Variants in CLIP1 observed in about 807,000 individuals in gnomAD.
The protein encoded by CLIP1 is CAP-Gly domain-containing linker protein 1.
In CLIP1, 66 loss-of-function variants were observed where a neutral mutation model predicts 161.6. The ratio of observed to expected loss-of-function variants is 0.41; its 90% CI spans 0.33 to 0.50. The LOEUF (loss-of-function observed/expected upper bound fraction) is 0.50, where lower values mean the gene tolerates loss of function less well. Among genes scored for constraint, CLIP1 ranks in the 20% least tolerant of loss-of-function variants. The pLI is 0.27. For missense variants in CLIP1, 1,376 were observed against 1,702.0 expected (o/e 0.81, Z 3.37); for synonymous variants, 598 against 626.2 (o/e 0.96, Z 0.67).
At chr12:122,410,336 C>A (rs1031407373) in intron 1 of CLIP1, among the ~76,000 whole-genome samples, 3 of 151,946 alleles carry the variant, frequency 2.0e-5, no homozygotes, top group East Asian at 1.9e-4. Context: ...TAAAGGCATT[C>A]TTTTGTATAC....
intron 1 of CLIP1, among the ~76,000 whole-genome samples, chr12:122,409,317 G>C (rs1406595189): frequency 2.0e-5 from 3 of 150,588 alleles, no homozygotes; most frequent in Non-Finnish European, 4.4e-5. Flanking sequence ...GTAGAGACAG[G>C]GTTTCACCAT....
rs754669548 is a variant in CLIP1 at position 122,316,836 on chromosome 12, TTTTC to T, written c.3382_3385del (p.Glu1128ThrfsTer3). ...CAGCTCTTCCACATTTTTCAAGTTG[TTTTC>T]TTTAAGTGTGTCCAACTTAAAGACC... On this transcript the variant is annotated frameshift_variant, in exon 19 of 26. Coordinates refer to ENST00000620786, the MANE Select transcript of CLIP1 (RefSeq NM_001247997.2). LOFTEE classifies it high-confidence loss of function. 6.3e-7 allele frequency: 1 copy of T among 1,585,652 alleles called. No homozygotes were observed. Among genetic ancestry groups the T allele is most frequent in the South Asian group, 1.2e-5 (1 of 83,282 alleles).
At chr12:122,396,791 G>C (rs1460146785) in intron 1 of CLIP1, 5 of 150,562 alleles carry the variant, frequency 3.3e-5, no homozygotes, top group Middle Eastern at 3.4e-3. Flanking sequence ...TTTTGAGGCA[G>C]AGTCTTGCCC....
chr12:122,343,795 G>A (rs1054094106), intron 10 of CLIP1: 1 of 152,196 alleles, frequency 6.6e-6, no homozygotes, highest in African/African-American at 2.4e-5. Context: ...TACCTGCTAT[G>A]CAGTCCATTT....
chr12:122,404,256 G>A (rs1956241039), intron 1 of CLIP1, among the ~76,000 whole-genome samples: 1 of 152,124 alleles, frequency 6.6e-6, no homozygotes, highest in South Asian at 2.1e-4. Flanking sequence ...ATAAAGCAGG[G>A]GCCTGGAGAC....
rs756011054 is a variant in CLIP1 at position 122,377,755 on chromosome 12, G to C, written c.291C>G (p.Gly97=). The change falls in exon 3 of 26, where the codon GGC becomes GGG. Residue 97 remains glycine, a synonymous_variant. Transcript: ENST00000620786. ...CTCCTGCCACCGAACCATCGTTCTTGCCTATGGGTTCATCTAAAACAATTC... is the reference window on the plus strand; with the variant it reads ...CTCCTGCCACCGAACCATCGTTCTTCCCTATGGGTTCATCTAAAACAATTC... ...WAGIVLDEPI[G]KNDGSVAGVR... 1.2e-6 allele frequency: 2 copies of C among 1,613,902 alleles called. No homozygotes were observed. The highest frequency in any genetic ancestry group is 1.1e-5 in the South Asian group (1 of 91,070).
At chr12:122,292,199 C>A (rs1950274896) in intron 20 of CLIP1, among the ~76,000 whole-genome samples, 1 of 150,456 alleles carries the variant, frequency 6.6e-6, no homozygotes, top group Non-Finnish European at 1.5e-5. Flanking sequence ...GATGGAGTTT[C>A]ACTATATTGG....
At chr12:122,383,177 G>C (rs1016149722) in intron 1 of CLIP1, among the ~76,000 whole-genome samples, 2 of 152,188 alleles carry the variant, frequency 1.3e-5, no homozygotes, top group African/African-American at 4.8e-5. Context: ...AGAGTGACAA[G>C]GGCCAGGTAG....
intron 17 of CLIP1, among the ~76,000 whole-genome samples, chr12:122,320,658 A>C (rs1367836794): frequency 6.6e-6 from 1 of 151,226 alleles, no homozygotes; most frequent in Admixed American, 6.6e-5. Flanking sequence ...CGGGAGGCAG[A>C]GGTTGCAGTG....
Position 122,272,395 on chromosome 12 carries a change from GAATAA to G in CLIP1, c.*475_*479del, listed in dbSNP as rs1190804679. 6.2e-6 allele frequency: 1 copy of G among 161,396 alleles called. No individual in the cohort carries two copies. The highest frequency in any genetic ancestry group is 2.4e-5 in the African/African-American group (1 of 41,504). 10.0% of individuals were successfully genotyped at this position (161,396 alleles called of 1,614,324 possible). A position where few individuals can be genotyped will look rare whatever the true frequency, so the allele number is the denominator to read the frequency against. On this transcript the variant is annotated 3_prime_UTR_variant, in exon 26 of 26. Transcript: ENST00000620786. ...AGAGCTCAGATATTTCTTTGAATAA[GAATAA>G]AATACTTTAAATGAGTAGATGAAAA...
intron 20 of CLIP1, 138 bp from the exon 21 acceptor site, chr12:122,288,679 T>G (rs1418775687): frequency 3.0e-6 from 2 of 664,898 alleles, no homozygotes; most frequent in African/African-American, 3.6e-5. Flanking sequence ...GAGGGACAAG[T>G]GGTCACTCTA....
chr12:122,361,223 C>A, intron 4 of CLIP1, 42 bp from the exon 5 acceptor site: 1 of 1,488,864 alleles, frequency 6.7e-7, no homozygotes, highest in South Asian at 1.2e-5. Context: ...ACAACTTAAT[C>A]ACAAGAAATA....
At chr12:122,360,410 CAAAAA>C (rs34294939) in intron 5 of CLIP1, among the ~76,000 whole-genome samples, 23 of 87,360 alleles carry the variant, frequency 2.6e-4, no homozygotes, top group Non-Finnish European at 4.8e-4. Context: ...CCTCTCTCTA[CAAAAA>C]AAAAAAAAAA....
intron 10 of CLIP1, chr12:122,343,109 A>C (rs1477253181): frequency 2.0e-5 from 3 of 150,310 alleles, no homozygotes; most frequent in Non-Finnish European, 4.4e-5. Context: ...GAAAGCCTCA[A>C]TTGAAGAATG....
chr12:122,380,333 T>C (rs757522133), intron 2 of CLIP1, 35 bp downstream of exon 2: 4 of 1,386,274 alleles, frequency 2.9e-6, no homozygotes, highest in South Asian at 2.5e-5. Context: ...GAAGTCTCCA[T>C]ATAGGATAAG....
At chr12:122,419,653 C>T (rs1271912252) in intron 1 of CLIP1, among the ~76,000 whole-genome samples, 1 of 151,756 alleles carries the variant, frequency 6.6e-6, no homozygotes, top group Non-Finnish European at 1.5e-5. Flanking sequence ...AAGCAAGAAT[C>T]GGCCGGGCAC....
intron 20 of CLIP1, among the ~76,000 whole-genome samples, chr12:122,288,973 G>A (rs1438479030): frequency 1.3e-5 from 2 of 151,036 alleles, no homozygotes; most frequent in Non-Finnish European, 3.0e-5. Context: ...CCGCCACAAC[G>A]CCCGGCTAAT....
At chr12:122,300,628 G>A (rs906924580) in intron 20 of CLIP1, among the ~76,000 whole-genome samples, 3 of 151,838 alleles carry the variant, frequency 2.0e-5, no homozygotes, top group Admixed American at 2.0e-4. Context: ...GCAGTGGCGC[G>A]ATCTCAGCTC....
chr12:122,371,325 C>G (rs79182877), intron 3 of CLIP1, among the ~76,000 whole-genome samples: 11,772 of 152,110 alleles, frequency 0.077, 1,486 homozygotes, highest in African/African-American at 0.27. Context: ...CTCCCAAGCC[C>G]CAAGAGCCTA....
Sources: allele counts gnomAD v4.1 joint callset (sites outside exome capture counted in the v4.1 genomes callset), GRCh38; gene constraint gnomAD v4.1.1; transcripts MANE v1.5; gene names NCBI Gene and HGNC (gene_info 2026-07-23, HGNC 2026-07-21).